C12orf42: variants seen among roughly 807,000 people sequenced by gnomAD.
C12orf42 encodes the protein uncharacterized protein C12orf42.
In C12orf42, 25 loss-of-function variants were observed where a neutral mutation model predicts 21.6. The observed-to-expected ratio is 1.16, with a 90% CI of 0.84 to 1.62. The LOEUF (loss-of-function observed/expected upper bound fraction) is 1.62, where lower values mean the gene tolerates loss of function less well. C12orf42 is among the 40% of genes most tolerant of loss of function. The pLI, the probability that C12orf42 is intolerant of heterozygous loss-of-function variation, is 0.00. For synonymous variants in C12orf42, 174 were observed against 175.0 expected, an observed-to-expected ratio of 0.99 and a Z score of 0.05; for missense variants, 483 against 459.3, an observed-to-expected ratio of 1.05 and a Z score of -0.47.
the C12orf42 span, among the ~76,000 whole-genome samples, chr12:103,048,625 T>G: frequency 1.4e-4 from 21 of 151,928 alleles, no homozygotes; most frequent in Non-Finnish European, 2.6e-4. Flanking sequence ...TCAAAATAAG[T>G]CTCCTGAGGA....
At chr12:103,231,162 A>G in the C12orf42 span, among the ~76,000 whole-genome samples, 1 of 152,200 alleles carries the variant, frequency 6.6e-6, no homozygotes, top group African/African-American at 2.4e-5. Flanking sequence ...ATTTTATAGC[A>G]ATTTTAGTTT....
At chr12:103,085,948 A>T in the C12orf42 span, among the ~76,000 whole-genome samples, 1 of 152,196 alleles carries the variant, frequency 6.6e-6, no homozygotes, top group South Asian at 2.1e-4. Flanking sequence ...GCCAAGCTCC[A>T]TACAGAATGG....
chr12:103,086,897 T>C, the C12orf42 span, among the ~76,000 whole-genome samples: 1 of 152,100 alleles, frequency 6.6e-6, no homozygotes, highest in Non-Finnish European at 1.5e-5. Flanking sequence ...ACAAAATCAG[T>C]ACAAGTTTGG....
intron 4 of C12orf42, among the ~76,000 whole-genome samples, chr12:103,286,975 A>C (rs2036506412): frequency 6.6e-6 from 1 of 151,434 alleles, no homozygotes; most frequent in Admixed American, 6.6e-5. Context: ...ACTGGCCATC[A>C]GAGAAATGCA....
the C12orf42 span, among the ~76,000 whole-genome samples, chr12:103,126,489 A>C: frequency 2.0e-5 from 3 of 152,216 alleles, no homozygotes; most frequent in African/African-American, 7.2e-5. Flanking sequence ...TGTTAGTTTC[A>C]GATCTATTAA....
At chr12:103,190,450 G>A in the C12orf42 span, among the ~76,000 whole-genome samples, 1 of 152,046 alleles carries the variant, frequency 6.6e-6, no homozygotes, top group African/African-American at 2.4e-5. Context: ...CAGCCATCAA[G>A]GCATCCCTCA....
At chr12:103,362,098 G>A (rs1334922082) in intron 4 of C12orf42, among the ~76,000 whole-genome samples, 5 of 152,146 alleles carry the variant, frequency 3.3e-5, no homozygotes, top group African/African-American at 1.2e-4. Flanking sequence ...TTCTCACAGA[G>A]TCCATTTTAC....
chr12:103,165,618 C>T, the C12orf42 span, among the ~76,000 whole-genome samples: 1 of 152,128 alleles, frequency 6.6e-6, no homozygotes, highest in African/African-American at 2.4e-5. Context: ...AAAAAAATCA[C>T]ACAGGTTAGT....
At chr12:103,466,352 G>T (rs533597332) in intron 2 of C12orf42, among the ~76,000 whole-genome samples, 24 of 152,104 alleles carry the variant, frequency 1.6e-4, no homozygotes, top group African/African-American at 5.8e-4. Context: ...AAAACTTGGT[G>T]CTCATCAGAG....
intron 4 of C12orf42, among the ~76,000 whole-genome samples, chr12:103,313,033 T>C (rs1566060155): frequency 6.6e-6 from 1 of 152,228 alleles, no homozygotes; most frequent in East Asian, 1.9e-4. Flanking sequence ...TGTGTTCATT[T>C]TTCCACTCTG....
At chr12:103,153,267 G>A in the C12orf42 span, among the ~76,000 whole-genome samples, 1 of 152,104 alleles carries the variant, frequency 6.6e-6, no homozygotes. Context: ...CTTGGGAGTA[G>A]CAAATATTTT....
chr12:103,512,781 A>G, the C12orf42 span, among the ~76,000 whole-genome samples: 1 of 152,110 alleles, frequency 6.6e-6, no homozygotes, highest in Non-Finnish European at 1.5e-5. Flanking sequence ...AGGCGGGTGG[A>G]TCACGAGGTC....
rs139541941 is a variant in C12orf42, at chr12:103,404,876, T to C, written c.79-3201A>G. On this transcript the variant is annotated intron_variant, in intron 2 of 5. Transcript: ENST00000548883. ...ATGTGCTAGAGAGTTCAGGTTTTTG[T>C]TCTGTTCACGCTCACAGGCATGCAC... 4.8e-3 allele frequency among the ~76,000 whole-genome samples: 729 copies of C among 152,298 alleles called. 4 individuals are homozygous for C. The highest frequency in any genetic ancestry group is 0.016 in the African/African-American group (676 of 41,524).
At chr12:103,516,638 A>G in the C12orf42 span, among the ~76,000 whole-genome samples, 130 of 152,292 alleles carry the variant, frequency 8.5e-4, 2 homozygotes, top group African/African-American at 3.0e-3. Flanking sequence ...CTCACTCACT[A>G]TCATGAGAAC....
chr12:103,390,854 G>C (rs996670427), intron 3 of C12orf42, among the ~76,000 whole-genome samples: 1 of 152,146 alleles, frequency 6.6e-6, no homozygotes, highest in African/African-American at 2.4e-5. Context: ...AAACAATTTA[G>C]ATGATGCCCA....
chr12:103,077,998 T>A, the C12orf42 span, among the ~76,000 whole-genome samples: 1 of 152,144 alleles, frequency 6.6e-6, no homozygotes, highest in Non-Finnish European at 1.5e-5. Context: ...TTTAGGACAA[T>A]CATTTGCTCA....
chr12:103,439,638 C>A (rs542772055), intron 2 of C12orf42, among the ~76,000 whole-genome samples: 1,627 of 150,092 alleles, frequency 0.011, 30 homozygotes, highest in African/African-American at 0.038. Flanking sequence ...ATTTATGCAG[C>A]CAAAAAACAC....
the C12orf42 span, among the ~76,000 whole-genome samples, chr12:103,530,626 C>CGG: frequency 0.15 from 22,352 of 150,652 alleles, 2,062 homozygotes; most frequent in South Asian, 0.3. Context: ...GGCAAGTGTT[C>CGG]GGGGGGGGAA....
At chr12:103,266,394 T>G (rs2035173135), downstream of C12orf42, among the ~76,000 whole-genome samples, 1 of 152,142 alleles carries the variant, frequency 6.6e-6, no homozygotes, top group South Asian at 2.1e-4. Context: ...TAAACTCTGT[T>G]ATCAGAGGAG....
Sources: gnomAD v4.1 joint callset for allele counts (sites outside exome capture counted in the v4.1 genomes callset) on GRCh38, gnomAD v4.1.1 for gene constraint, MANE v1.5 for transcripts, NCBI Gene and HGNC (gene_info 2026-07-23, HGNC 2026-07-21) for gene names.